BANF2: variants seen among roughly 807,000 people sequenced by gnomAD.
BANF2 encodes the protein BANF family member 2.
A neutral mutation model predicts 8.0 loss-of-function variants in BANF2; 4 were observed. The observed-to-expected ratio is 0.50, with a 90% CI of 0.25 to 1.14. The LOEUF (loss-of-function observed/expected upper bound fraction) is 1.14, where lower values mean the gene tolerates loss of function less well. Ranked by LOEUF, BANF2 falls within the 50% of genes most tolerant of loss-of-function variation. The pLI is 0.16. For missense variants in BANF2, 96 were observed against 107.5 expected (o/e 0.89, Z 0.47); for synonymous variants, 50 against 40.6 (o/e 1.23, Z -0.88).
At chr20:17,697,189 AG>A (rs2037353511), upstream of BANF2, among the ~76,000 whole-genome samples, 1 of 152,184 alleles carries the variant, frequency 6.6e-6, no homozygotes, top group Admixed American at 6.5e-5. Context: ...CTCCCCCAAA[AG>A]CATGAACAAG....
chr20:17,729,446 T>C (rs2037861937), intron 3 of BANF2, among the ~76,000 whole-genome samples: 1 of 152,160 alleles, frequency 6.6e-6, no homozygotes, highest in East Asian at 1.9e-4. Flanking sequence ...CTGACAAAAG[T>C]TCGACTCTAG....
At chr20:17,705,366 A>T (rs1301348205) in intron 1 of BANF2, among the ~76,000 whole-genome samples, 1 of 152,218 alleles carries the variant, frequency 6.6e-6, no homozygotes, top group Non-Finnish European at 1.5e-5. Context: ...AGCCTCATAA[A>T]TTCCAGAGGG....
At chr20:17,696,403 C>T (rs2037346333), upstream of BANF2, among the ~76,000 whole-genome samples, 1 of 152,148 alleles carries the variant, frequency 6.6e-6, no homozygotes, top group African/African-American at 2.4e-5. Flanking sequence ...AACTACCAGA[C>T]AATTTTCCAA....
At chr20:17,699,266 C>T (rs907333611), upstream of BANF2, among the ~76,000 whole-genome samples, 1 of 152,244 alleles carries the variant, frequency 6.6e-6, no homozygotes, top group Non-Finnish European at 1.5e-5. Context: ...TCTCTGGAAA[C>T]ATTTTATACT....
chr20:17,697,184 C>G (rs936911598), upstream of BANF2, among the ~76,000 whole-genome samples: 4 of 152,136 alleles, frequency 2.6e-5, no homozygotes, highest in Admixed American at 2.0e-4. Flanking sequence ...TGAAACTCCC[C>G]CAAAAGCATG....
intron 1 of BANF2, among the ~76,000 whole-genome samples, chr20:17,721,074 A>T (rs1285420572): frequency 6.6e-6 from 1 of 152,224 alleles, no homozygotes; most frequent in Non-Finnish European, 1.5e-5. Context: ...AGGTCAGAAG[A>T]TGTAGCAGAC....
rs541441068 is a variant in BANF2, at chr20:17,712,846, G to C, written c.-166-9870G>C. Among the ~76,000 whole-genome samples the C allele has an allele frequency of 1.1e-4, 16 of 152,262 alleles. No homozygotes were observed. The South Asian group carries it at 3.3e-3, about 32-fold the overall frequency. On this transcript the variant is annotated intron_variant, in intron 1 of 3. Coordinates refer to ENST00000246090, the MANE Select transcript of BANF2 (RefSeq NM_178477.5). The stretch of plus-strand genomic sequence containing the variant: ...TTACAGTGCCCCTACGTTTATAGCA[G>C]CATTAGTAACAATGGCCAGATGGTG...
chr20:17,731,763 A>C (rs1326786066), intron 3 of BANF2, among the ~76,000 whole-genome samples: 1 of 146,008 alleles, frequency 6.8e-6, no homozygotes, highest in Non-Finnish European at 1.5e-5. Flanking sequence ...TCTTAGGAAA[A>C]AAAAAAAAAA....
At chr20:17,720,487 G>A (rs965735470) in intron 1 of BANF2, among the ~76,000 whole-genome samples, 1 of 152,196 alleles carries the variant, frequency 6.6e-6, no homozygotes. Flanking sequence ...AGACAGAAAA[G>A]GACAGATATT....
chr20:17,728,348 G>T (rs1452732623), intron 3 of BANF2, among the ~76,000 whole-genome samples: 1 of 152,124 alleles, frequency 6.6e-6, no homozygotes, highest in East Asian at 1.9e-4. Flanking sequence ...TACCTCCCTG[G>T]GCTCCGCACT....
intron 1 of BANF2, among the ~76,000 whole-genome samples, chr20:17,708,053 A>C (rs2037511200): frequency 6.6e-6 from 1 of 151,214 alleles, no homozygotes; most frequent in South Asian, 2.1e-4. Flanking sequence ...AATCAAAAAA[A>C]AAAAAAAAAA....
chr20:17,715,900 G>T lies in BANF2; in HGVS notation c.-166-6816G>T, dbSNP rs570348557. On this transcript the variant is annotated intron_variant, in intron 1 of 3. Coordinates refer to ENST00000246090, the MANE Select transcript of BANF2 (RefSeq NM_178477.5). ...CGCCGTCAGGCATGTCTAAATCCAG[G>T]CCTGCAAATGATTACTGGGGACTCT... is the stretch of plus-strand genomic sequence containing the variant. Among the ~76,000 whole-genome samples, 13 of 152,336 alleles carry T rather than the reference G, an allele frequency of 8.5e-5. No individual in the cohort carries two copies. In the South Asian group the frequency reaches 2.7e-3, roughly 32 times the overall value.
intron 1 of BANF2, among the ~76,000 whole-genome samples, chr20:17,717,327 G>A (rs2037669382): frequency 6.6e-6 from 1 of 152,160 alleles, no homozygotes; most frequent in South Asian, 2.1e-4. Context: ...GCATAGGGGT[G>A]GGTGCTCTGT....
intron 3 of BANF2, among the ~76,000 whole-genome samples, chr20:17,734,573 C>T (rs556659436): frequency 6.6e-6 from 1 of 152,296 alleles, no homozygotes; most frequent in South Asian, 2.1e-4. Context: ...ATTCATCTGT[C>T]AGCCCCATGT....
At chr20:17,718,116 A>G (rs963261109) in intron 1 of BANF2, among the ~76,000 whole-genome samples, 2 of 152,244 alleles carry the variant, frequency 1.3e-5, no homozygotes, top group African/African-American at 4.8e-5. Flanking sequence ...TAATACATGA[A>G]AATATTGCAT....
At chr20:17,705,069 T>C (rs2122575694) in intron 1 of BANF2, among the ~76,000 whole-genome samples, 1 of 123,964 alleles carries the variant, frequency 8.1e-6, no homozygotes, top group East Asian at 2.0e-4. Flanking sequence ...TGGTCATGTG[T>C]GTTGTTACCT....
At chr20:17,734,808 T>C (rs530951780) in intron 3 of BANF2, among the ~76,000 whole-genome samples, 22 of 152,316 alleles carry the variant, frequency 1.4e-4, no homozygotes, top group African/African-American at 5.1e-4. Context: ...CCCCGTGCTA[T>C]GGGCACAGTG....
intron 1 of BANF2, among the ~76,000 whole-genome samples, chr20:17,703,161 G>A (rs1339694382): frequency 6.6e-6 from 1 of 152,168 alleles, no homozygotes; most frequent in Non-Finnish European, 1.5e-5. Context: ...CAACAGGAGG[G>A]CCTCAGATCA....
At chr20:17,697,084 G>A (rs186119505), upstream of BANF2, among the ~76,000 whole-genome samples, 11 of 152,178 alleles carry the variant, frequency 7.2e-5, no homozygotes, top group Non-Finnish European at 1.2e-4. Context: ...TGTGAGGCTG[G>A]GTGTAGCATG....
Sources: allele counts gnomAD v4.1 joint callset (sites outside exome capture counted in the v4.1 genomes callset), GRCh38; gene constraint gnomAD v4.1.1; transcripts MANE v1.5; gene names NCBI Gene and HGNC (gene_info 2026-07-23, HGNC 2026-07-21).